Variants in CNTNAP2 observed in about 807,000 individuals in gnomAD.
CNTNAP2 encodes contactin associated protein 2, also known as contactin-associated protein-like 2.
In CNTNAP2, 98 loss-of-function variants were observed where a neutral mutation model predicts 155.2. That is an observed-to-expected ratio of 0.63 (90% CI 0.54 to 0.75). The LOEUF is 0.75. Among genes scored for constraint, CNTNAP2 ranks in the 30% least tolerant of loss-of-function variants. CNTNAP2 has a pLI of 0.00. For missense variants in CNTNAP2, 1,727 were observed against 1,688.1 expected (o/e 1.02, Z -0.40); for synonymous variants, 651 against 631.2 (o/e 1.03, Z -0.47).
At chr7:146,842,010 G>A (rs1254771835) in intron 3 of CNTNAP2, among the ~76,000 whole-genome samples, 2 of 151,324 alleles carry the variant, frequency 1.3e-5, no homozygotes, top group Non-Finnish European at 2.9e-5. Flanking sequence ...AGCCTCCCGA[G>A]TAGCTGGGAT....
intron 1 of CNTNAP2, among the ~76,000 whole-genome samples, chr7:146,561,520 G>C (rs374039246): frequency 6.6e-6 from 1 of 152,082 alleles, no homozygotes; most frequent in Non-Finnish European, 1.5e-5. Flanking sequence ...TTAGCAGGGC[G>C]TGGTGGCACA....
intron 3 of CNTNAP2, among the ~76,000 whole-genome samples, chr7:146,858,377 C>T (rs1585125389): frequency 6.6e-6 from 1 of 152,178 alleles, no homozygotes. Flanking sequence ...GACATTCTTG[C>T]ATTCATCCTA....
rs202041787 is a variant in CNTNAP2 at position 146,182,748 on chromosome 7, G to A, written c.97+65775G>A. On this transcript the variant is annotated intron_variant, in intron 1 of 23. Transcript: ENST00000361727. ...ATCTAACTTCATTCTGTTTGACTTC[G>A]TAGGCACTCACGTCTGATCCAGCCT... Among the ~76,000 whole-genome samples, 51 of 152,134 alleles carry A rather than the reference G, an allele frequency of 3.4e-4. 1 individual carries two copies. In the South Asian group the frequency reaches 8.5e-3, roughly 25 times the overall value.
intron 1 of CNTNAP2, among the ~76,000 whole-genome samples, chr7:146,724,167 A>C (rs1453302132): frequency 6.6e-6 from 1 of 152,152 alleles, no homozygotes; most frequent in Non-Finnish European, 1.5e-5. Flanking sequence ...AATCTCACTT[A>C]TTGCCAATTT....
rs140591545 is a variant in CNTNAP2, at chr7:147,513,253, C to T, written c.1777+27212C>T. Reference sequence around the variant, plus strand: ...TGTTTAGTTTTACTGTATTTTAAATCTGTACTCATATTTGAAATACCTATT... The same window carrying T: ...TGTTTAGTTTTACTGTATTTTAAATTTGTACTCATATTTGAAATACCTATT... On this transcript the variant is annotated intron_variant, in intron 11 of 23. Coordinates refer to ENST00000361727, the MANE Select transcript of CNTNAP2 (RefSeq NM_014141.6). Among the ~76,000 whole-genome samples the T allele has an allele frequency of 7.1e-3, 1,084 of 152,108 alleles. 12 individuals carry two copies. Among genetic ancestry groups the T allele is most frequent in the African/African-American group, 0.022 (915 of 41,512 alleles).
intron 1 of CNTNAP2, among the ~76,000 whole-genome samples, chr7:146,453,121 T>C (rs1796506683): frequency 6.6e-6 from 1 of 152,184 alleles, no homozygotes; most frequent in African/African-American, 2.4e-5. Flanking sequence ...AGGAGAGCAC[T>C]GCACAGAAAC....
intron 3 of CNTNAP2, among the ~76,000 whole-genome samples, chr7:146,920,732 G>T (rs1423427920): frequency 5.9e-5 from 9 of 152,086 alleles, no homozygotes; most frequent in African/African-American, 2.2e-4. Context: ...CACTATGAGG[G>T]TTGTGGATTT....
intron 3 of CNTNAP2, among the ~76,000 whole-genome samples, chr7:146,923,397 C>T (rs919297249): frequency 6.6e-6 from 1 of 152,162 alleles, no homozygotes; most frequent in Non-Finnish European, 1.5e-5. Context: ...ACAGCATTCA[C>T]TACTTTAGAA....
At position 147,381,634 on chromosome 7, in the gene CNTNAP2, G is replaced by A. The variant is rs888941533; in HGVS notation, c.1499-13975G>A. Among the ~76,000 whole-genome samples, 6 of 152,038 alleles carry A rather than the reference G, an allele frequency of 3.9e-5. 1 individual carries two copies. Among genetic ancestry groups the A allele is most frequent in the Admixed American group, 6.6e-5 (1 of 15,252 alleles). On this transcript the variant is annotated intron_variant, in intron 9 of 23. Coordinates refer to ENST00000361727, the MANE Select transcript of CNTNAP2 (RefSeq NM_014141.6). ...CCTTTTATTGTGGCCCCTAGGCAAC[G>A]ATGGCTTTTTAAATCATTTTGTATA...
intron 13 of CNTNAP2, among the ~76,000 whole-genome samples, chr7:147,709,097 G>C (rs1329572180): frequency 6.6e-6 from 1 of 152,152 alleles, no homozygotes; most frequent in Non-Finnish European, 1.5e-5. Flanking sequence ...GCCTCCAGCT[G>C]TTAGATCCTT....
intron 20 of CNTNAP2, among the ~76,000 whole-genome samples, chr7:148,254,674 G>A (rs1177997992): frequency 2.6e-5 from 4 of 151,644 alleles, no homozygotes. Context: ...TACTCAGGAG[G>A]CTGAGGCAGG....
intron 1 of CNTNAP2, among the ~76,000 whole-genome samples, chr7:146,246,839 T>G (rs1429996221): frequency 6.6e-6 from 1 of 152,210 alleles, no homozygotes; most frequent in African/African-American, 2.4e-5. Context: ...TTCTGGCACT[T>G]GTAGCAAGCT....
chr7:146,437,257 T>C (rs541509116), intron 1 of CNTNAP2, among the ~76,000 whole-genome samples: 1 of 151,564 alleles, frequency 6.6e-6, no homozygotes, highest in Non-Finnish European at 1.5e-5. Context: ...CTCCTGTCCG[T>C]GGAAAAATTG....
chr7:146,926,497 C>G (rs1213096962), intron 3 of CNTNAP2, among the ~76,000 whole-genome samples: 1 of 151,956 alleles, frequency 6.6e-6, no homozygotes, highest in Non-Finnish European at 1.5e-5. Context: ...GAGCACTTAT[C>G]GTGATGCCTG....
intron 3 of CNTNAP2, among the ~76,000 whole-genome samples, chr7:146,887,198 G>A (rs1384993320): frequency 2.0e-5 from 3 of 151,970 alleles, no homozygotes; most frequent in Non-Finnish European, 4.4e-5. Context: ...GGCCCAGGCT[G>A]GAGTACAATG....
chr7:146,297,441 A>G (rs1347470143), intron 1 of CNTNAP2, among the ~76,000 whole-genome samples: 1 of 152,158 alleles, frequency 6.6e-6, no homozygotes, highest in Non-Finnish European at 1.5e-5. Flanking sequence ...GGGTGATCAA[A>G]GTAGGTAAAA....
intron 15 of CNTNAP2, among the ~76,000 whole-genome samples, chr7:148,064,902 T>G (rs1350639891): frequency 1.3e-5 from 2 of 152,138 alleles, no homozygotes; most frequent in Non-Finnish European, 2.9e-5. Flanking sequence ...TTGGGCTCTT[T>G]CAGACTTTTT....
At chr7:148,401,924 C>T (rs1799591969) in intron 22 of CNTNAP2, among the ~76,000 whole-genome samples, 1 of 152,160 alleles carries the variant, frequency 6.6e-6, no homozygotes, top group South Asian at 2.1e-4. Flanking sequence ...ATTAAAATAC[C>T]TCTTTATCGT....
At chr7:146,950,833 G>A (rs2129227811) in intron 3 of CNTNAP2, among the ~76,000 whole-genome samples, 2 of 152,126 alleles carry the variant, frequency 1.3e-5, no homozygotes, top group South Asian at 4.1e-4. Flanking sequence ...TGGGTCTAAT[G>A]GTATTTCTGG....
Sources: gnomAD v4.1 joint callset for allele counts (sites outside exome capture counted in the v4.1 genomes callset) on GRCh38, gnomAD v4.1.1 for gene constraint, MANE v1.5 for transcripts, NCBI Gene and HGNC (gene_info 2026-07-23, HGNC 2026-07-21) for gene names.